The following AIG1 variants were observed in gnomAD, a reference collection of about 807,000 sequenced individuals.
The protein encoded by AIG1 is androgen-induced gene 1 protein.
Under a neutral mutation model 31.4 loss-of-function variants are expected in AIG1, and 23 were observed. The observed-to-expected ratio is 0.73, with a 90% CI of 0.53 to 1.04. The LOEUF is 1.04. Among genes scored for constraint, AIG1 ranks in the 50% least tolerant of loss-of-function variants. The pLI is 0.00. For missense variants in AIG1, 274 were observed against 295.0 expected, an observed-to-expected ratio of 0.93 and a Z score of 0.52; for synonymous variants, 100 against 110.5, an observed-to-expected ratio of 0.90 and a Z score of 0.60.
At chr6:143,261,364 T>A (rs1312616151) in intron 3 of AIG1, among the ~76,000 whole-genome samples, 1 of 152,166 alleles carries the variant, frequency 6.6e-6, no homozygotes, top group Non-Finnish European at 1.5e-5. Context: ...ACTCCTGACC[T>A]CAGGTGATCC....
At chr6:143,133,803 ACTTT>A (rs1417467307) in intron 1 of AIG1, among the ~76,000 whole-genome samples, 1 of 152,004 alleles carries the variant, frequency 6.6e-6, no homozygotes, top group Non-Finnish European at 1.5e-5. Flanking sequence ...TTTAACCAGA[ACTTT>A]CTTTCTTGGA....
At chr6:143,211,819 G>A (rs534182785) in intron 3 of AIG1, among the ~76,000 whole-genome samples, 222 of 152,100 alleles carry the variant, frequency 1.5e-3, no homozygotes, top group African/African-American at 5.1e-3. Context: ...CTTGAACCCA[G>A]GATGTGGAGG....
chr6:143,230,094 G>A (rs931894728), intron 3 of AIG1, among the ~76,000 whole-genome samples: 11 of 152,060 alleles, frequency 7.2e-5, no homozygotes, highest in Non-Finnish European at 1.5e-4. Flanking sequence ...ATAGCAACCC[G>A]ATTAGGTTTA....
At chr6:143,076,298 C>G (rs191063040) in intron 1 of AIG1, among the ~76,000 whole-genome samples, 2 of 152,004 alleles carry the variant, frequency 1.3e-5, no homozygotes, top group African/African-American at 4.8e-5. Flanking sequence ...GTGGATTGAC[C>G]CTTTATCACT....
At position 143,297,157 on chromosome 6, in the gene AIG1, G is replaced by A. The variant is rs1185321313; in HGVS notation, c.515+12932G>A. 6.6e-6 allele frequency among the ~76,000 whole-genome samples: 1 copy of A among 152,162 alleles called. No individual in the cohort carries two copies. Among genetic ancestry groups the A allele is most frequent in the African/African-American group, 2.4e-5 (1 of 41,426 alleles). ...CTTAGAGAGTTCTGAAAGGCTTCCC[G>A]GAGGAAATGACATGTAAGCTGCCTC... is the stretch of plus-strand genomic sequence containing the variant. On this transcript the variant is annotated intron_variant, in intron 4 of 5. Transcript: ENST00000357847. This position sits in a 1 kb window ranked among gnomAD's most constrained non-coding sequence, Gnocchi z 5.1.
intron 3 of AIG1, among the ~76,000 whole-genome samples, chr6:143,254,508 A>G (rs1795234586): frequency 6.6e-6 from 1 of 152,148 alleles, no homozygotes; most frequent in Non-Finnish European, 1.5e-5. Flanking sequence ...ACACAACCCG[A>G]AGCATGAACT....
chr6:143,190,611 C>T, intron 3 of AIG1: 1 of 985,376 alleles, frequency 1.0e-6, no homozygotes, highest in Non-Finnish European at 1.2e-6. Flanking sequence ...CATTCAGTGT[C>T]CTGGCACAGA....
At chr6:143,189,359 T>C (rs1031905080) in intron 3 of AIG1, 116 of 961,450 alleles carry the variant, frequency 1.2e-4, no homozygotes, top group Non-Finnish European at 1.3e-4. Flanking sequence ...TAGGATTACA[T>C]GCATGAGCTA....
rs9373380 is a variant in AIG1 at position 143,228,311 on chromosome 6, G to A, written c.400-55799G>A. ...CATCAGGCCTCTTTACATACAGACT[G>A]GACTATTCTTGAATGAAGCGCCCAC... On this transcript the variant is annotated intron_variant, in intron 3 of 5. Transcript: ENST00000357847. 9.4e-3 allele frequency among the ~76,000 whole-genome samples: 1,433 copies of A among 152,328 alleles called. 46 individuals carry two copies. The highest frequency in any genetic ancestry group is 0.065 in the East Asian group (335 of 5,184).
chr6:143,171,486 TA>T (rs1411054882), intron 3 of AIG1, among the ~76,000 whole-genome samples: 1 of 120,982 alleles, frequency 8.3e-6, no homozygotes, highest in Non-Finnish European at 1.6e-5. Flanking sequence ...TAATATATAT[TA>T]AATATATAAT....
intron 1 of AIG1, among the ~76,000 whole-genome samples, chr6:143,065,038 AGACTTATT>A (rs1305939127): frequency 1.3e-5 from 2 of 152,244 alleles, no homozygotes; most frequent in Non-Finnish European, 2.9e-5. Flanking sequence ...GGAGATCATA[AGACTTATT>A]GTCCAGAAGA....
intron 3 of AIG1, among the ~76,000 whole-genome samples, chr6:143,208,700 A>G (rs915058646): frequency 7.9e-5 from 12 of 152,148 alleles, no homozygotes; most frequent in African/African-American, 2.9e-4. Context: ...AAGCAACCCC[A>G]TAAAACTGTC....
At chr6:143,316,055 G>A (rs373060877) in intron 4 of AIG1, among the ~76,000 whole-genome samples, 2 of 151,980 alleles carry the variant, frequency 1.3e-5, no homozygotes, top group Admixed American at 1.3e-4. Context: ...AACCCAGAAA[G>A]AGGTTGACAT....
At chr6:143,175,029 G>A (rs983079185) in intron 3 of AIG1, among the ~76,000 whole-genome samples, 3 of 152,174 alleles carry the variant, frequency 2.0e-5, no homozygotes, top group Admixed American at 1.3e-4. Context: ...CTCAGCATTT[G>A]TTTGTCTGAG....
intron 3 of AIG1, among the ~76,000 whole-genome samples, chr6:143,208,786 C>T (rs1374477035): frequency 6.6e-6 from 1 of 152,036 alleles, no homozygotes; most frequent in Non-Finnish European, 1.5e-5. Flanking sequence ...CTAAAATTCA[C>T]TTTCCTTATC....
intron 3 of AIG1, among the ~76,000 whole-genome samples, chr6:143,207,088 T>A (rs1170635043): frequency 1.3e-5 from 2 of 152,154 alleles, no homozygotes; most frequent in Non-Finnish European, 2.9e-5. Flanking sequence ...ATGGAGCATG[T>A]TGAGGAACAA....
Position 143,136,915 on chromosome 6 carries a change from G to A in AIG1, c.222G>A (p.Glu74=). The A allele has an allele frequency of 6.5e-7, 1 of 1,535,602 alleles. No homozygotes were observed. The highest frequency in any genetic ancestry group is 1.2e-5 in the South Asian group (1 of 80,296). ...SLLTRGSGNQ[E]QERQLKKLIS... is the part of the protein sequence containing the mutation. ...TGACTCGAGGAAGTGGGAACCAGGAGCAAGAGAGGCAGCTCAAGAAGCTCA... is the reference window on the plus strand; with the variant it reads ...TGACTCGAGGAAGTGGGAACCAGGAACAAGAGAGGCAGCTCAAGAAGCTCA... Residue 74 remains glutamate, a synonymous_variant, in exon 2 of 6, where the codon GAG becomes GAA. Transcript: ENST00000357847.
intron 1 of AIG1, among the ~76,000 whole-genome samples, chr6:143,100,934 C>T (rs1439764166): frequency 1.3e-5 from 2 of 152,182 alleles, no homozygotes; most frequent in African/African-American, 2.4e-5. Context: ...ATCCACCCGC[C>T]TCGGCCTCCC....
In AIG1 at chr6:143,258,473, A is replaced by G. The variant is rs913296880; in HGVS notation, c.400-25637A>G. On this transcript the variant is annotated intron_variant, in intron 3 of 5. Transcript: ENST00000357847. The surrounding 1 kb of genome is among the most constrained non-coding windows in gnomAD (Gnocchi z 4.7). ...AGAGCAATATCTTCCATTCTTACCC[A>G]TATCCTTTTGCAAAACTCACAAAAT... Among the ~76,000 whole-genome samples the G allele has an allele frequency of 2.0e-5, 3 of 152,186 alleles. No individual in the cohort carries two copies. Among genetic ancestry groups the G allele is most frequent in the African/African-American group, 7.2e-5 (3 of 41,448 alleles).
Sources: gnomAD v4.1 joint callset for allele counts (sites outside exome capture counted in the v4.1 genomes callset) on GRCh38, gnomAD v4.1.1 for gene constraint, Gnocchi (gnomAD v3.1) non-coding constraint, MANE v1.5 for transcripts, NCBI Gene and HGNC (gene_info 2026-07-23, HGNC 2026-07-21) for gene names.